CDH26: variants seen among roughly 807,000 people sequenced by gnomAD.
CDH26 encodes the protein cadherin-like protein 26.
In CDH26, 83 loss-of-function variants were observed where a neutral mutation model predicts 90.3. That is an observed-to-expected ratio of 0.92 (90% CI 0.77 to 1.10). The LOEUF (loss-of-function observed/expected upper bound fraction) is 1.10. CDH26 is among the 50% of genes least tolerant of loss of function. The probability of loss-of-function intolerance (pLI) is 0.00; values close to 1 mark genes in which losing one functional copy is unlikely to be tolerated. For missense variants in CDH26, 1,013 were observed against 1,037.6 expected, an observed-to-expected ratio of 0.98 and a Z score of 0.33; for synonymous variants, 397 against 396.3, an observed-to-expected ratio of 1.00 and a Z score of -0.02.
intron 7 of CDH26, 42 bp downstream of exon 7, chr20:59,985,171 A>G (rs1172666855): frequency 3.7e-6 from 6 of 1,609,580 alleles, no homozygotes; most frequent in Non-Finnish European, 5.1e-6. Flanking sequence ...CCCCAAAACA[A>G]GTAGCCCTTG....
At chr20:59,983,121 C>G (rs774415360) in intron 5 of CDH26, 51 bp downstream of exon 5, 2 of 1,581,070 alleles carry the variant, frequency 1.3e-6, no homozygotes, top group South Asian at 2.3e-5. Context: ...TGCTCTGTTC[C>G]TTTTCATTAA....
At position 59,988,963 on chromosome 20, in the gene CDH26, G is replaced by A. The variant is rs79144846; in HGVS notation, c.1083G>A (p.Glu361=). The A allele has an allele frequency of 3.1e-6, 5 of 1,614,176 alleles. No individual in the cohort carries two copies. The highest frequency in any genetic ancestry group is 1.3e-5 in the African/African-American group (1 of 75,026). ...TCATCATTGTCGTGGAGAATGAGGA[G>A]AGGCTCGTCTTCTGTGAGAGAGGAA... ...QSLIIVVENE[E]RLVFCERGKL... is the part of the protein sequence containing the mutation. Residue 361 remains glutamate (E), a synonymous_variant, in exon 9 of 18, where the codon GAG becomes GAA. Transcript: ENST00000348616.
At chr20:60,012,420 A>C (rs2061857290) in intron 17 of CDH26, 107 bp from the exon 18 acceptor site, 2 of 1,006,844 alleles carry the variant, frequency 2.0e-6, no homozygotes, top group African/African-American at 1.6e-5. Flanking sequence ...ACGGGGCCTG[A>C]GTGCTGTTAC....
chr20:59,987,642 A>T lies in CDH26; in HGVS notation c.1023+4A>T, dbSNP rs2061476069. ...AGGGATATTAAATGTTATCAAGGTA[A>T]CACCATACCGGTGACATACCAACCA... is the stretch of plus-strand genomic sequence containing the variant. On this transcript the variant is annotated splice_donor_region_variant and intron_variant, in intron 8 of 17. Coordinates refer to ENST00000348616, the MANE Select transcript of CDH26 (RefSeq NM_177980.4). 6.2e-7 allele frequency: 1 copy of T among 1,603,746 alleles called. No homozygotes were observed. Among genetic ancestry groups the T allele is most frequent in the Non-Finnish European group, 8.5e-7 (1 of 1,174,558 alleles).
chr20:60,032,878 T>G (rs8119499), intron 8 of CDH26, among the ~76,000 whole-genome samples: 1 of 146,838 alleles, frequency 6.8e-6, no homozygotes, highest in Non-Finnish European at 1.5e-5. Flanking sequence ...GGGATAGCAT[T>G]GGGAGATGTA....
At chr20:59,975,885 T>A (rs933793583) in intron 4 of CDH26, among the ~76,000 whole-genome samples, 7 of 152,072 alleles carry the variant, frequency 4.6e-5, no homozygotes, top group African/African-American at 1.7e-4. Context: ...AGGCTAACAT[T>A]TATTAACTCC....
chr20:60,018,549 C>A (rs1265816482), downstream of CDH26, among the ~76,000 whole-genome samples: 1 of 151,812 alleles, frequency 6.6e-6, no homozygotes, highest in African/African-American at 2.4e-5. Context: ...TTTTAAAATT[C>A]ATCCAGCCAG....
intron 2 of CDH26, 69 bp from the exon 3 acceptor site, chr20:59,970,013 G>T (rs1010968627): frequency 1.9e-6 from 3 of 1,568,014 alleles, no homozygotes; most frequent in African/African-American, 2.7e-5. Context: ...ATGAAGTAAG[G>T]GTGTGATAAA....
chr20:60,001,199 G>A (rs1035830659), intron 14 of CDH26, 144 bp from the exon 15 acceptor site: 12 of 866,760 alleles, frequency 1.4e-5, no homozygotes, highest in African/African-American at 6.7e-5. Context: ...TCCTCCCACC[G>A]CGCCCTCCCT....
At chr20:59,984,573 C>T (rs777189094) in intron 5 of CDH26, 66 bp from the exon 6 acceptor site, 57 of 1,348,514 alleles carry the variant, frequency 4.2e-5, no homozygotes, top group Non-Finnish European at 5.7e-5. Flanking sequence ...GCAAATAATT[C>T]ATCCTCTTAC....
At chr20:59,982,616 C>A (rs2061407759) in intron 4 of CDH26, among the ~76,000 whole-genome samples, 1 of 152,220 alleles carries the variant, frequency 6.6e-6, no homozygotes, top group Admixed American at 6.5e-5. Context: ...GAAACGGAGG[C>A]TCACTAGCAA....
chr20:60,002,755 G>A, intron 15 of CDH26, 58 bp from the exon 16 acceptor site: 1 of 1,351,372 alleles, frequency 7.4e-7, no homozygotes, highest in South Asian at 1.3e-5. Flanking sequence ...TTCTAGTTAT[G>A]TATTTGCATC....
At chr20:59,996,586 T>C (rs2061599994) in intron 12 of CDH26, 45 bp from the exon 13 acceptor site, 1 of 1,614,220 alleles carries the variant, frequency 6.2e-7, no homozygotes, top group Non-Finnish European at 8.5e-7. Context: ...ACCTCTGATA[T>C]GGGTGAGCTT....
chr20:60,029,372 T>TTTATAGTCAACAACGTAGCAC, intron 7 of CDH26, among the ~76,000 whole-genome samples: 1 of 42,166 alleles, frequency 2.4e-5, no homozygotes, highest in African/African-American at 7.3e-5. Context: ...CAACGTAGCA[T>TTTATAGTCAACAACGTAGCAC]CTATAGTCAA....
chr20:60,029,753 G>A (rs2062026598), intron 7 of CDH26, among the ~76,000 whole-genome samples: 1 of 151,958 alleles, frequency 6.6e-6, no homozygotes, highest in Non-Finnish European at 1.5e-5. Context: ...TTCTGTTCCT[G>A]CATTAGTTTG....
intron 2 of CDH26, among the ~76,000 whole-genome samples, chr20:59,969,227 G>A (rs1480331400): frequency 2.0e-5 from 3 of 152,184 alleles, no homozygotes; most frequent in African/African-American, 4.8e-5. Flanking sequence ...TAGAATGTGA[G>A]CAGCCTGTGA....
intron 2 of CDH26, among the ~76,000 whole-genome samples, chr20:59,969,667 A>G (rs994105891): frequency 3.3e-5 from 5 of 152,250 alleles, no homozygotes; most frequent in African/African-American, 1.2e-4. Flanking sequence ...AGGGATAGTC[A>G]TAGACAGAGA....
intron 17 of CDH26, among the ~76,000 whole-genome samples, chr20:60,007,272 C>T (rs1569058646): frequency 6.6e-6 from 1 of 152,212 alleles, no homozygotes; most frequent in Non-Finnish European, 1.5e-5. Context: ...CAATCACTTT[C>T]ATGGAAATCC....
At chr20:60,022,619 C>A (rs2061967063) in intron 7 of CDH26, among the ~76,000 whole-genome samples, 1 of 152,168 alleles carries the variant, frequency 6.6e-6, no homozygotes, top group Admixed American at 6.5e-5. Flanking sequence ...TGGCAGCCGT[C>A]AAGGATATCA....
Sources: allele counts gnomAD v4.1 joint callset (sites outside exome capture counted in the v4.1 genomes callset), GRCh38; gene constraint gnomAD v4.1.1; transcripts MANE v1.5; gene names NCBI Gene and HGNC (gene_info 2026-07-23, HGNC 2026-07-21).